PTK2: variants seen among roughly 807,000 people sequenced by gnomAD.
PTK2 encodes protein tyrosine kinase 2.
Under a neutral mutation model 150.1 loss-of-function variants are expected in PTK2, and 45 were observed. The ratio of observed to expected loss-of-function variants is 0.30; its 90% CI spans 0.24 to 0.38. PTK2 has a LOEUF of 0.38. Among genes scored for constraint, PTK2 ranks in the 10% least tolerant of loss-of-function variants. The pLI is 1.00. For missense variants in PTK2, 919 were observed against 1,307.3 expected (o/e 0.70, Z 4.58); for synonymous variants, 432 against 449.2 (o/e 0.96, Z 0.48).
intron 23 of PTK2, among the ~76,000 whole-genome samples, chr8:140,716,508 T>C (rs1340028089): frequency 2.6e-5 from 4 of 152,162 alleles, no homozygotes; most frequent in African/African-American, 7.2e-5. Flanking sequence ...CTTCTCTCTG[T>C]AGAGGGGGCT....
At chr8:140,915,355 G>C (rs139963919) in intron 2 of PTK2, among the ~76,000 whole-genome samples, 271 of 152,078 alleles carry the variant, frequency 1.8e-3, no homozygotes, top group African/African-American at 6.1e-3. Flanking sequence ...TTGAGCCTAG[G>C]AGTTTGAGAC....
At chr8:140,794,800 A>G (rs1595902641) in intron 12 of PTK2, among the ~76,000 whole-genome samples, 1 of 152,130 alleles carries the variant, frequency 6.6e-6, no homozygotes, top group Non-Finnish European at 1.5e-5. Flanking sequence ...TACAGTTTCA[A>G]AGCGTCAAAT....
At chr8:140,823,482 C>CATATAT (rs5895649) in intron 8 of PTK2, among the ~76,000 whole-genome samples, 2,027 of 151,136 alleles carry the variant, frequency 0.013, 31 homozygotes, top group Non-Finnish European at 0.016. Context: ...GGTTAAAATG[C>CATATAT]ATATATATAT....
chr8:140,839,385 G>A (rs1288129838), intron 7 of PTK2, among the ~76,000 whole-genome samples: 1 of 152,178 alleles, frequency 6.6e-6, no homozygotes. Flanking sequence ...TTGGTGGCCT[G>A]AGTGAGAGTC....
intron 27 of PTK2, among the ~76,000 whole-genome samples, chr8:140,682,825 C>A (rs1251092612): frequency 6.6e-6 from 1 of 152,100 alleles, no homozygotes; most frequent in Non-Finnish European, 1.5e-5. Context: ...ATACAACACA[C>A]TAGAATCTCT....
intron 27 of PTK2, among the ~76,000 whole-genome samples, chr8:140,684,378 G>A (rs536753687): frequency 6.6e-6 from 1 of 152,378 alleles, no homozygotes; most frequent in African/African-American, 2.4e-5. Context: ...CTGACAGGAG[G>A]AAGAGCTCAG....
At chr8:140,865,736 T>G (rs2100138914) in intron 4 of PTK2, among the ~76,000 whole-genome samples, 1 of 152,244 alleles carries the variant, frequency 6.6e-6, no homozygotes, top group Non-Finnish European at 1.5e-5. Flanking sequence ...AGATTTCATT[T>G]ATTTTCAACT....
chr8:140,831,247 TTAC>T (rs1309674414), intron 7 of PTK2, among the ~76,000 whole-genome samples: 3 of 152,202 alleles, frequency 2.0e-5, no homozygotes, highest in Non-Finnish European at 4.4e-5. Context: ...AGTACTTTGG[TTAC>T]TAACTTACTC....
chr8:140,851,268 G>A (rs561601228), intron 5 of PTK2, among the ~76,000 whole-genome samples: 4 of 152,000 alleles, frequency 2.6e-5, no homozygotes, highest in South Asian at 2.1e-4. Context: ...GAACAATTAC[G>A]CTACCTTAAT....
chr8:140,818,414 A>G, intron 9 of PTK2, 60 bp from the exon 10 acceptor site: 1 of 1,447,966 alleles, frequency 6.9e-7, no homozygotes, highest in Non-Finnish European at 9.7e-7. Context: ...AATACTTTAG[A>G]TAAAGAGCCG....
chr8:140,667,054 T>A (rs2092540268), intron 30 of PTK2, among the ~76,000 whole-genome samples: 1 of 152,116 alleles, frequency 6.6e-6, no homozygotes, highest in African/African-American at 2.4e-5. Flanking sequence ...TTATAAGCGG[T>A]ACCTAGGGTA....
chr8:140,995,145 C>T (rs1013424285), intron 1 of PTK2, among the ~76,000 whole-genome samples: 5 of 150,526 alleles, frequency 3.3e-5, no homozygotes, highest in African/African-American at 1.2e-4. Context: ...CTTTGGGAGG[C>T]CGAGGTGGGT....
intron 1 of PTK2, among the ~76,000 whole-genome samples, chr8:140,983,380 C>CAAAAA (rs34040387): frequency 5.1e-5 from 4 of 78,506 alleles, no homozygotes; most frequent in East Asian, 4.1e-4. Flanking sequence ...GACTCCATCT[C>CAAAAA]AAAAAAAAAA....
intron 14 of PTK2, among the ~76,000 whole-genome samples, chr8:140,786,791 T>G (rs1243607973): frequency 6.6e-6 from 1 of 152,124 alleles, no homozygotes; most frequent in African/African-American, 2.4e-5. Context: ...TTGCTTGGAT[T>G]TGTAAATCAC....
chr8:140,853,489 C>G (rs915110144), intron 5 of PTK2, among the ~76,000 whole-genome samples: 16 of 151,954 alleles, frequency 1.1e-4, no homozygotes, highest in Admixed American at 1.0e-3. Context: ...TGGTTTCCAG[C>G]TTCATCCATG....
At chr8:140,688,949 G>GT (rs530865313) in intron 26 of PTK2, among the ~76,000 whole-genome samples, 2 of 152,208 alleles carry the variant, frequency 1.3e-5, no homozygotes, top group Non-Finnish European at 2.9e-5. Flanking sequence ...AGTATGCTGT[G>GT]TTTTTTACCA....
Position 140,833,902 on chromosome 8 carries a change from G to A in PTK2, c.594-3376C>T, listed in dbSNP as rs544733149. Among the ~76,000 whole-genome samples, 247 of 152,264 alleles carry A rather than the reference G, an allele frequency of 1.6e-3. 2 individuals are homozygous for A. The highest frequency in any genetic ancestry group is 5.7e-3 in the African/African-American group (236 of 41,558). ...CCACATCAGTTCAGAGAAACCTCTT[G>A]AACCCATACACAGATGACAAGACAC... On this transcript the variant is annotated intron_variant, in intron 7 of 31. Transcript: ENST00000522684.
At chr8:140,989,626 C>T (rs1007104010) in intron 1 of PTK2, among the ~76,000 whole-genome samples, 3 of 151,568 alleles carry the variant, frequency 2.0e-5, no homozygotes, top group Admixed American at 6.6e-5. Flanking sequence ...AGTGCAACCT[C>T]GGCTGGGCAC....
At chr8:141,000,380 C>A (rs1477130932) in intron 1 of PTK2, among the ~76,000 whole-genome samples, 1 of 152,182 alleles carries the variant, frequency 6.6e-6, no homozygotes, top group Non-Finnish European at 1.5e-5. Context: ...CGGGCACCGG[C>A]AGGCCGCTCG....
Sources: gnomAD v4.1 joint callset for allele counts (sites outside exome capture counted in the v4.1 genomes callset) on GRCh38, gnomAD v4.1.1 for gene constraint, MANE v1.5 for transcripts, NCBI Gene and HGNC (gene_info 2026-07-23, HGNC 2026-07-21) for gene names.